The following CS variants were observed in gnomAD, a reference collection of about 807,000 sequenced individuals.
CS encodes the protein citrate synthase, mitochondrial.
A neutral mutation model predicts 61.4 loss-of-function variants in CS; 13 were observed. That is an observed-to-expected ratio of 0.21 (90% CI 0.14 to 0.34). The LOEUF is 0.34. Ranked by LOEUF, CS falls within the 10% of genes least tolerant of loss-of-function variation. CS has a pLI of 1.00. For missense variants in CS, 278 were observed against 573.4 expected, an observed-to-expected ratio of 0.48 and a Z score of 5.26; for synonymous variants, 159 against 215.2, an observed-to-expected ratio of 0.74 and a Z score of 2.29.
chr12:56,281,921 C>T (rs567935801), intron 6 of CS, among the ~76,000 whole-genome samples: 25 of 152,216 alleles, frequency 1.6e-4, no homozygotes, highest in South Asian at 6.2e-4. Flanking sequence ...TGCAGTGGTG[C>T]GATCTCGGCT....
At chr12:56,274,319 T>TAAA in intron 9 of CS, 2 of 78,630 alleles carry the variant, frequency 2.5e-5, no homozygotes, top group Admixed American at 1.6e-4. Flanking sequence ...AAGACTGTCT[T>TAAA]TAAAAAAAAA....
At chr12:56,281,581 T>C (rs928421831) in intron 6 of CS, among the ~76,000 whole-genome samples, 3 of 152,232 alleles carry the variant, frequency 2.0e-5, no homozygotes, top group African/African-American at 7.2e-5. Flanking sequence ...TTGAAGAAGA[T>C]AGTGAGGGAA....
In CS at chr12:56,273,761, C is replaced by T; in HGVS notation, c.1056G>A (p.Lys352=). The part of the protein sequence containing the change: ...VPGYGHAVLR[K]TDPRYTCQRE... ...GCTGACAGGTATATCGCGGATCAGT[C>T]TTCCTTAGTACTGCATGGCCATAGC... The change falls in exon 10 of 11, where the codon AAG becomes AAA. Residue 352 remains lysine (K), a synonymous_variant. Transcript: ENST00000351328. The T allele has an allele frequency of 6.2e-7, 1 of 1,614,184 alleles. No individual in the cohort carries two copies. The highest frequency in any genetic ancestry group is 8.5e-7 in the Non-Finnish European group (1 of 1,180,030).
chr12:56,282,838 T>A, intron 5 of CS, 22 bp downstream of exon 5: 1 of 1,613,506 alleles, frequency 6.2e-7, no homozygotes, highest in Non-Finnish European at 8.5e-7. Context: ...TGAGAAGAGC[T>A]AATAATATCC....
At chr12:56,288,426 C>A (rs1237110161) in intron 1 of CS, among the ~76,000 whole-genome samples, 2 of 146,592 alleles carry the variant, frequency 1.4e-5, no homozygotes, top group African/African-American at 5.1e-5. Flanking sequence ...ATCTCTGGCT[C>A]CCGTGTTCAA....
At chr12:56,291,267 G>A (rs1873117127) in intron 1 of CS, 2 of 1,106,624 alleles carry the variant, frequency 1.8e-6, no homozygotes, top group Non-Finnish European at 2.2e-6. Context: ...GAAAGAGGCA[G>A]TCAAGCCTGA....
At chr12:56,283,128 T>C in intron 4 of CS, 137 bp from the exon 5 acceptor site, 2 of 969,580 alleles carry the variant, frequency 2.1e-6, no homozygotes, top group South Asian at 1.6e-5. Context: ...GGTGGGGTCT[T>C]GCTATGTTGC....
Position 56,283,010 on chromosome 12 carries a change from G to C in CS, c.268-19C>G. On this transcript the variant is annotated intron_variant, in intron 4 of 10. Transcript: ENST00000351328. ...GGATGCCCTTGAGAGAGGAGAGAGA[G>C]AATTACAACTCAAGTTTATAGCCTA... 6.2e-7 allele frequency: 1 copy of C among 1,612,974 alleles called. No individual in the cohort carries two copies. Among genetic ancestry groups the C allele is most frequent in the Non-Finnish European group, 8.5e-7 (1 of 1,179,388 alleles).
Position 56,284,176 on chromosome 12 carries a change from C to T in CS, c.202-319G>A, listed in dbSNP as rs142508525. ...TCTCTACTAAAAATTAAAAAATTAG[C>T]GGGCATGGTGTATGTGCCTGTAATC... On this transcript the variant is annotated intron_variant, in intron 3 of 10. Coordinates refer to ENST00000351328, the MANE Select transcript of CS (RefSeq NM_004077.3). 2.6e-4 allele frequency among the ~76,000 whole-genome samples: 39 copies of T among 151,828 alleles called. No individual in the cohort carries two copies. The East Asian group carries it at 7.2e-3, about 28-fold the overall frequency.
In CS at chr12:56,273,072, C is replaced by G. The variant is rs374097567; in HGVS notation, c.*12G>C. On this transcript the variant is annotated 3_prime_UTR_variant, in exon 11 of 11. Transcript: ENST00000351328. ...TCACTTTCTGGTAGTCACTTTCACCCAGTCTCCAGTTTTACCCTGACTTAG... is the reference window on the plus strand; with the variant it reads ...TCACTTTCTGGTAGTCACTTTCACCGAGTCTCCAGTTTTACCCTGACTTAG... 38 of 1,593,154 alleles carry G rather than the reference C, an allele frequency of 2.4e-5. No homozygotes were observed. The African/African-American group carries it at 4.9e-4, about 20-fold the overall frequency.
rs28389781 is a variant in CS at position 56,273,241 on chromosome 12, G to A, written c.1244C>T (p.Thr415Met). The A allele has an allele frequency of 4.3e-6, 7 of 1,613,924 alleles. No individual in the cohort carries two copies. The highest frequency in any genetic ancestry group is 1.7e-5 in the Admixed American group (1 of 59,980). The change falls in exon 11 of 11, where the codon ACG becomes ATG. Residue 415 changes from threonine to methionine, a missense_variant. By Grantham distance (81) the Thr-to-Met change is moderately conservative (BLOSUM62 -1). Around this residue, in one of 2 missense-constraint regions of CS, gnomAD observed 223 missense variants for 503.5 expected, o/e 0.44. Transcript: ENST00000351328. The stretch of plus-strand genomic sequence containing the variant: ...CAGGACCGTGTAGTAATTCATCTCC[G>A]TCATGCCATAATACTGTAAGGTAGA... ...SGVLLQYYGM[T>M]EMNYYTVLFG... is the part of the protein sequence containing the mutation.
intron 1 of CS, among the ~76,000 whole-genome samples, chr12:56,295,457 G>T (rs2135926529): frequency 6.6e-6 from 1 of 150,962 alleles, no homozygotes; most frequent in East Asian, 2.0e-4. Flanking sequence ...GGAGGCAGAG[G>T]TTGCAGTGAG....
At chr12:56,283,554 TTTAAA>T (rs1177197584) in intron 4 of CS, among the ~76,000 whole-genome samples, 1 of 152,206 alleles carries the variant, frequency 6.6e-6, no homozygotes, top group Non-Finnish European at 1.5e-5. Context: ...AGAACAGAAC[TTTAAA>T]TTAAGCTTAA....
chr12:56,283,938 G>T, intron 3 of CS, 81 bp from the exon 4 acceptor site: 1 of 1,009,062 alleles, frequency 9.9e-7, no homozygotes, highest in Non-Finnish European at 1.5e-6. Flanking sequence ...ACTTGTTAGA[G>T]CTTCATGGGA....
intron 7 of CS, 152 bp downstream of exon 7, chr12:56,275,844 C>G (rs1872611619): frequency 1.5e-6 from 1 of 666,496 alleles, no homozygotes; most frequent in South Asian, 1.9e-5. Flanking sequence ...CTTACTAGAC[C>G]CCTTTCTTGC....
At chr12:56,295,046 G>A (rs1402066269) in intron 1 of CS, among the ~76,000 whole-genome samples, 3 of 151,054 alleles carry the variant, frequency 2.0e-5, no homozygotes, top group East Asian at 1.9e-4. Context: ...GATTACAGGC[G>A]TGAGCCACTG....
At chr12:56,294,410 G>A (rs750236674) in intron 1 of CS, among the ~76,000 whole-genome samples, 1 of 144,396 alleles carries the variant, frequency 6.9e-6, no homozygotes, top group Non-Finnish European at 1.5e-5. Context: ...GGAGGCAGAG[G>A]TTGCAGTGAG....
chr12:56,275,231 G>T, intron 7 of CS, 100 bp from the exon 8 acceptor site: 2 of 1,405,800 alleles, frequency 1.4e-6, no homozygotes, highest in Non-Finnish European at 2.0e-6. Context: ...CTAGTTATGG[G>T]CTCATGCCAG....
chr12:56,282,494 C>G lies in CS; in HGVS notation c.514G>C (p.Val172Leu). 1 of 1,614,094 alleles carries G rather than the reference C, an allele frequency of 6.2e-7. No homozygotes were observed. The highest frequency in any genetic ancestry group is 1.7e-5 in the Admixed American group (1 of 59,990). Residue 172 changes from valine (V) to leucine (L), a missense_variant, in exon 6 of 11, where the codon GTT becomes CTT. This residue lies in a region of CS where 223 missense variants were observed against 503.5 expected (regional missense o/e 0.44). Coordinates refer to ENST00000351328, the MANE Select transcript of CS (RefSeq NM_004077.3). ...LHPMSQLSAA[V>L]TALNSESNFA... is the part of the protein sequence containing the mutation. ...TTACTTTCACTGTTGAGGGCTGTAACAGCTGCACTGAGCTGAGACATGGGG... is the reference window on the plus strand; with the variant it reads ...TTACTTTCACTGTTGAGGGCTGTAAGAGCTGCACTGAGCTGAGACATGGGG...
Sources: allele counts gnomAD v4.1 joint callset (sites outside exome capture counted in the v4.1 genomes callset), GRCh38; gene constraint gnomAD v4.1.1; regional missense constraint gnomAD v4.1.1; transcripts MANE v1.5; gene names NCBI Gene and HGNC (gene_info 2026-07-23, HGNC 2026-07-21).